The following SGPL1 variants were observed in gnomAD, a reference collection of about 807,000 sequenced individuals.
SGPL1 encodes the protein SP-lyase 1.
Under a neutral mutation model 68.9 loss-of-function variants are expected in SGPL1, and 37 were observed. The ratio of observed to expected loss-of-function variants is 0.54; its 90% confidence interval spans 0.41 to 0.71. The LOEUF is 0.71. SGPL1 is among the 30% of genes least tolerant of loss of function. The probability of loss-of-function intolerance (pLI) is 0.00; values close to 1 mark genes in which losing one functional copy is unlikely to be tolerated. For synonymous variants in SGPL1, 236 were observed against 248.5 expected (o/e 0.95, Z 0.47); for missense variants, 551 against 704.6 (o/e 0.78, Z 2.47).
intron 2 of SGPL1, among the ~76,000 whole-genome samples, chr10:70,828,610 A>G (rs1442190285): frequency 6.6e-6 from 1 of 152,230 alleles, no homozygotes; most frequent in Non-Finnish European, 1.5e-5. Context: ...ATTGATGGGA[A>G]CAAAGCAACC....
At chr10:70,874,846 A>G (rs951453635) in intron 12 of SGPL1, among the ~76,000 whole-genome samples, 1 of 152,226 alleles carries the variant, frequency 6.6e-6, no homozygotes, top group Non-Finnish European at 1.5e-5. Flanking sequence ...TTGAGGTTAC[A>G]GTGAGCTATG....
chr10:70,845,159 T>G (rs1845772718), intron 3 of SGPL1, among the ~76,000 whole-genome samples: 1 of 152,104 alleles, frequency 6.6e-6, no homozygotes, highest in African/African-American at 2.4e-5. Flanking sequence ...TTTTTTGGAT[T>G]TGTAGTTCAC....
At chr10:70,844,673 GT>G in intron 3 of SGPL1, 35 bp downstream of exon 3, 2 of 1,578,072 alleles carry the variant, frequency 1.3e-6, no homozygotes, top group Non-Finnish European at 1.7e-6. Flanking sequence ...AGGTATAGTG[GT>G]GTGTCACTAG....
At chr10:70,824,968 C>CTTT (rs33942248) in intron 2 of SGPL1, among the ~76,000 whole-genome samples, 45 of 141,340 alleles carry the variant, frequency 3.2e-4, no homozygotes, top group Non-Finnish European at 4.3e-4. Flanking sequence ...TGTTTTTTCT[C>CTTT]TTTTTTTTTT....
chr10:70,850,521 G>A (rs907853976), intron 3 of SGPL1, among the ~76,000 whole-genome samples: 7 of 152,332 alleles, frequency 4.6e-5, no homozygotes, highest in African/African-American at 1.7e-4. Context: ...TAGTAGTTCT[G>A]CTTCTGGGAG....
intron 1 of SGPL1, 101 bp from the exon 2 acceptor site, chr10:70,816,710 A>G (rs1249709179): frequency 2.5e-6 from 2 of 806,348 alleles, no homozygotes; most frequent in Non-Finnish European, 4.4e-6. Flanking sequence ...GAGCCTTCAA[A>G]GGAGGGAGAG....
chr10:70,816,511 C>T (rs1336552922), intron 1 of SGPL1, among the ~76,000 whole-genome samples: 1 of 152,158 alleles, frequency 6.6e-6, no homozygotes, highest in Admixed American at 6.5e-5. Flanking sequence ...GTGGCCTGGG[C>T]TGGGCTCCCC....
Position 70,816,900 on chromosome 10 carries a change from C to T in SGPL1, c.27+20C>T, listed in dbSNP as rs1391699565. ...ATGTTGGTGAGCCTTTTGCAGACAT[C>T]CTCCTGGTTCCAAGGCATTTGTCTC... On this transcript the variant is annotated intron_variant, in intron 2 of 14. Transcript: ENST00000373202. 3.1e-6 allele frequency: 5 copies of T among 1,613,064 alleles called. No individual in the cohort carries two copies. The South Asian group carries it at 4.4e-5, about 14-fold the overall frequency.
chr10:70,871,096 A>G lies in SGPL1; in HGVS notation c.859A>G (p.Thr287Ala), dbSNP rs1846286978. The G allele has an allele frequency of 8.1e-6, 13 of 1,614,010 alleles. No individual in the cohort carries two copies. Among genetic ancestry groups the G allele is most frequent in the Non-Finnish European group, 1.1e-5 (13 of 1,179,916 alleles). ...SRNTAMLVCSTPQFPHGVIDP... is the reference protein window; with the variant it reads ...SRNTAMLVCSAPQFPHGVIDP... ...GAACACTGCCATGCTCGTCTGTTCTACCCCACAGTTTCCTCATGGTGTAAT... is the reference window on the plus strand; with the variant it reads ...GAACACTGCCATGCTCGTCTGTTCTGCCCCACAGTTTCCTCATGGTGTAAT... Residue 287 changes from threonine (T) to alanine (A), a missense_variant, in exon 10 of 15, where the codon ACC becomes GCC. Thr to Ala is a moderately conservative substitution (Grantham distance 58). Transcript: ENST00000373202.
At chr10:70,844,075 A>G (rs1440379421) in intron 2 of SGPL1, among the ~76,000 whole-genome samples, 2 of 152,244 alleles carry the variant, frequency 1.3e-5, no homozygotes, top group East Asian at 3.8e-4. Context: ...TTTGCTGACT[A>G]CTGGGGTAGA....
chr10:70,857,531 GT>G, intron 5 of SGPL1, 82 bp from the exon 6 acceptor site: 1 of 1,120,588 alleles, frequency 8.9e-7, no homozygotes, highest in Non-Finnish European at 1.4e-6. Flanking sequence ...ATCCAGAGGA[GT>G]TTCTTCCTGT....
rs756573931 is a variant in SGPL1, at chr10:70,844,458, C to T, written c.28-15C>T. The T allele has an allele frequency of 5.6e-6, 9 of 1,606,778 alleles. No individual in the cohort carries two copies. Among genetic ancestry groups the T allele is most frequent in the Non-Finnish European group, 4.3e-6 (5 of 1,175,736 alleles). The stretch of plus-strand genomic sequence containing the variant: ...CTCTAAATGTAATGTTTTTATTTTT[C>T]ACTTGTATTTCTAGAAGGCCTTTGA... On this transcript the variant is annotated splice_polypyrimidine_tract_variant and intron_variant, in intron 2 of 14. Coordinates refer to ENST00000373202, the MANE Select transcript of SGPL1 (RefSeq NM_003901.4).
At chr10:70,839,557 A>G (rs1245669365) in intron 2 of SGPL1, among the ~76,000 whole-genome samples, 2 of 152,168 alleles carry the variant, frequency 1.3e-5, no homozygotes, top group African/African-American at 2.4e-5. Flanking sequence ...AGATAAAGAC[A>G]TAAAGATTGA....
chr10:70,832,872 A>G (rs1845568199), intron 2 of SGPL1, among the ~76,000 whole-genome samples: 1 of 152,148 alleles, frequency 6.6e-6, no homozygotes, highest in Non-Finnish European at 1.5e-5. Context: ...TCCTCTGCTT[A>G]TTGAATTCAG....
chr10:70,880,231 G>A lies in SGPL1; in HGVS notation c.*2896G>A, dbSNP rs1846476956. ...TGCCCCCTGGTGGTGAAACAATCGT[G>A]TGTGCCCACTGATACCAAGACCAAT... On this transcript the variant is annotated 3_prime_UTR_variant, in exon 15 of 15. Transcript: ENST00000373202. 1 of 152,328 alleles carries A rather than the reference G, an allele frequency of 6.6e-6. No individual in the cohort carries two copies. The highest frequency in any genetic ancestry group is 2.4e-5 in the African/African-American group (1 of 41,434). 9.4% of individuals were successfully genotyped at this position (152,328 alleles called of 1,614,324 possible).
At chr10:70,874,760 A>T (rs1846356300) in intron 12 of SGPL1, among the ~76,000 whole-genome samples, 4 of 152,034 alleles carry the variant, frequency 2.6e-5, no homozygotes, top group Non-Finnish European at 5.9e-5. Flanking sequence ...AATTAGCCAC[A>T]TGTGGTGGTG....
intron 5 of SGPL1, among the ~76,000 whole-genome samples, chr10:70,855,888 C>T (rs1419222080): frequency 1.3e-5 from 2 of 152,126 alleles, no homozygotes; most frequent in African/African-American, 4.8e-5. Context: ...AATTCTATTT[C>T]TAGTTCATCA....
chr10:70,871,755 C>T, intron 10 of SGPL1, 82 bp from the exon 11 acceptor site: 1 of 1,338,110 alleles, frequency 7.5e-7, no homozygotes, highest in South Asian at 1.4e-5. Flanking sequence ...TGTTTATAGC[C>T]CATCTTTCCA....
chr10:70,837,730 A>G (rs369840756), intron 2 of SGPL1, among the ~76,000 whole-genome samples: 14 of 152,230 alleles, frequency 9.2e-5, no homozygotes, highest in African/African-American at 3.4e-4. Context: ...TTTTGAATAA[A>G]ACAAATATAC....
Sources: allele counts gnomAD v4.1 joint callset (sites outside exome capture counted in the v4.1 genomes callset), GRCh38; gene constraint gnomAD v4.1.1; transcripts MANE v1.5; gene names NCBI Gene and HGNC (gene_info 2026-07-23, HGNC 2026-07-21).